The following SYNE2 variants were observed in gnomAD, a reference collection of about 807,000 sequenced individuals.
SYNE2 encodes the protein nesprin-2.
Under a neutral mutation model 856.3 loss-of-function variants are expected in SYNE2, and 431 were observed. That is an observed-to-expected ratio of 0.50 (90% CI 0.47 to 0.55). The LOEUF (loss-of-function observed/expected upper bound fraction) is 0.55. Among genes scored for constraint, SYNE2 ranks in the 20% least tolerant of loss-of-function variants. The pLI, the probability that SYNE2 is intolerant of heterozygous loss-of-function variation, is 0.00. For synonymous variants in SYNE2, 2,923 were observed against 2,872.3 expected (o/e 1.02, Z -0.56); for missense variants, 8,129 against 8,023.2 (o/e 1.01, Z -0.50).
chr14:63,888,885 T>A (rs370279980), intron 1 of SYNE2, among the ~76,000 whole-genome samples: 1 of 152,092 alleles, frequency 6.6e-6, no homozygotes, highest in African/African-American at 2.4e-5. Context: ...ACCAAAAAAA[T>A]TGTGGTATAA....
intron 84 of SYNE2, among the ~76,000 whole-genome samples, chr14:64,151,446 AGCTGGGATCCTTAGGCAAAGCAATTTTC>A (rs1567473681): frequency 1.0e-5 from 1 of 97,316 alleles, no homozygotes; most frequent in East Asian, 3.3e-4. Context: ...AAAAAAAAAA[AGCTGGGATCCTTAGGCAAAGCAATTTTC>A]AAAAAAAAAG....
At chr14:64,020,817 T>C (rs771092458) in intron 35 of SYNE2, among the ~76,000 whole-genome samples, 1 of 152,184 alleles carries the variant, frequency 6.6e-6, no homozygotes, top group Non-Finnish European at 1.5e-5. Context: ...TGAATATGAG[T>C]GCTGGAGTTA....
intron 66 of SYNE2, 61 bp downstream of exon 66, chr14:64,113,632 GTGAAT>G: frequency 1.3e-6 from 2 of 1,500,552 alleles, no homozygotes; most frequent in Non-Finnish European, 1.8e-6. Context: ...CCAAGATTGG[GTGAAT>G]TTCTCTTAAA....
chr14:64,060,114 C>T (rs564278309), intron 49 of SYNE2, among the ~76,000 whole-genome samples: 2 of 151,596 alleles, frequency 1.3e-5, no homozygotes, highest in Non-Finnish European at 1.5e-5. Context: ...AATACCTAGA[C>T]GCCAAGAGCT....
At chr14:63,956,578 C>A in intron 8 of SYNE2, 1 of 384,372 alleles carries the variant, frequency 2.6e-6, no homozygotes. Flanking sequence ...AATTCACATA[C>A]CATATGATGT....
At chr14:64,181,013 TTATG>T (rs1327442767) in intron 96 of SYNE2, among the ~76,000 whole-genome samples, 1 of 152,216 alleles carries the variant, frequency 6.6e-6, no homozygotes, top group African/African-American at 2.4e-5. Flanking sequence ...AATAATTCGT[TTATG>T]TATTTTTTTG....
intron 1 of SYNE2, among the ~76,000 whole-genome samples, chr14:63,778,856 G>A (rs972004276): frequency 6.6e-6 from 1 of 151,944 alleles, no homozygotes; most frequent in Non-Finnish European, 1.5e-5. Context: ...ATGTGGCCCA[G>A]GCTGGTGTTG....
chr14:63,949,634 T>C (rs2096118787), intron 6 of SYNE2, among the ~76,000 whole-genome samples, 191 bp from the exon 7 acceptor site: 9 of 152,148 alleles, frequency 5.9e-5, no homozygotes, highest in Admixed American at 5.9e-4. Context: ...CCCAAGTCAT[T>C]CCTTAGGAAG....
At chr14:64,122,937 T>C (rs1206167964) in intron 70 of SYNE2, among the ~76,000 whole-genome samples, 1 of 151,954 alleles carries the variant, frequency 6.6e-6, no homozygotes, top group African/African-American at 2.4e-5. Flanking sequence ...CTGTCTCTAC[T>C]AAAAATACAA....
intron 2 of SYNE2, among the ~76,000 whole-genome samples, chr14:63,917,841 T>C (rs908171239): frequency 1.3e-5 from 2 of 151,640 alleles, no homozygotes; most frequent in Non-Finnish European, 2.9e-5. Flanking sequence ...GTATTTGCAC[T>C]GCAAAGTGTT....
In SYNE2 at chr14:63,923,804, C is replaced by CT. The variant is rs527470602; in HGVS notation, c.79+14591dup. On this transcript the variant is annotated intron_variant, in intron 2 of 115. Transcript: ENST00000555002. ...GCAGTCATCACATTGGATTTTAGAA[C>CT]TTTTTTTTTTTTTTGAGACAGTGTC... Among the ~76,000 whole-genome samples the CT allele has an allele frequency of 6.6e-3, 960 of 144,644 alleles. 9 individuals carry two copies. The highest frequency in any genetic ancestry group is 0.016 in the African/African-American group (647 of 39,670). 94.9% of individuals were successfully genotyped at this position (144,644 alleles called of 152,430 possible). A position where few individuals can be genotyped will look rare whatever the true frequency, so the allele number is the denominator to read the frequency against.
chr14:64,082,254 C>T (rs1050576363), intron 57 of SYNE2, among the ~76,000 whole-genome samples: 3 of 151,982 alleles, frequency 2.0e-5, no homozygotes, highest in Non-Finnish European at 4.4e-5. Flanking sequence ...GACTAGGTTA[C>T]GTTATATGAT....
intron 79 of SYNE2, among the ~76,000 whole-genome samples, chr14:64,138,727 C>A (rs181912151): frequency 7.2e-5 from 11 of 152,016 alleles, no homozygotes; most frequent in Non-Finnish European, 1.6e-4. Context: ...AATCTTGAAC[C>A]GTGTGAGGAA....
intron 32 of SYNE2, among the ~76,000 whole-genome samples, chr14:64,011,416 A>C (rs2096844012): frequency 6.6e-6 from 1 of 152,052 alleles, no homozygotes; most frequent in South Asian, 2.1e-4. Flanking sequence ...AGTAGATTTA[A>C]AGAGCTCTGG....
At chr14:64,186,304 C>G (rs754780732) in intron 96 of SYNE2, 120 bp from the exon 97 acceptor site, 1 of 1,311,874 alleles carries the variant, frequency 7.6e-7, no homozygotes, top group Non-Finnish European at 1.1e-6. Flanking sequence ...TTCAGAAGGT[C>G]CCTCCCTCTC....
chr14:64,161,583 T>C (rs2098330146), intron 87 of SYNE2, among the ~76,000 whole-genome samples: 1 of 152,018 alleles, frequency 6.6e-6, no homozygotes, highest in South Asian at 2.1e-4. Context: ...TCTCCATCTT[T>C]GCCAAAGAGA....
chr14:64,087,937 C>T (rs1240089238), intron 58 of SYNE2, 81 bp downstream of exon 58: 1 of 1,478,282 alleles, frequency 6.8e-7, no homozygotes, highest in Non-Finnish European at 9.3e-7. Flanking sequence ...AATTCCAGCA[C>T]TTTGGGAGGC....
chr14:63,882,103 A>G (rs1200146831), intron 1 of SYNE2, among the ~76,000 whole-genome samples: 1 of 152,096 alleles, frequency 6.6e-6, no homozygotes, highest in Non-Finnish European at 1.5e-5. Context: ...TCCTTGTGTA[A>G]TAGCAGAGGA....
intron 52 of SYNE2, among the ~76,000 whole-genome samples, chr14:64,071,493 CAAAA>C (rs1334664811): frequency 2.0e-5 from 3 of 149,908 alleles, no homozygotes; most frequent in Non-Finnish European, 3.0e-5. Context: ...GACTCTGTCT[CAAAA>C]AAAAGGAAAT....
Sources: gnomAD v4.1 joint callset for allele counts (sites outside exome capture counted in the v4.1 genomes callset) on GRCh38, gnomAD v4.1.1 for gene constraint, MANE v1.5 for transcripts, NCBI Gene and HGNC (gene_info 2026-07-23, HGNC 2026-07-21) for gene names.